ARHGAP6: variants seen among roughly 807,000 people sequenced by gnomAD.
The protein encoded by ARHGAP6 is rho GTPase-activating protein 6.
In ARHGAP6, 16 loss-of-function variants were observed where a neutral mutation model predicts 55.7. The observed-to-expected ratio is 0.29, with a 90% CI of 0.19 to 0.44. ARHGAP6 has a LOEUF of 0.44. Ranked by LOEUF, ARHGAP6 falls within the 20% of genes least tolerant of loss-of-function variation. ARHGAP6 has a pLI of 1.00. For synonymous variants in ARHGAP6, 382 were observed against 360.9 expected (o/e 1.06, Z -0.66); for missense variants, 698 against 808.9 (o/e 0.86, Z 1.66).
chrX:11,491,558 G>A (rs2050568766), intron 1 of ARHGAP6, among the ~76,000 whole-genome samples: 1 of 111,972 alleles, frequency 8.9e-6, no homozygotes, highest in African/African-American at 3.3e-5. Flanking sequence ...ATTTTTTGTG[G>A]CTGCATAGTA....
intron 1 of ARHGAP6, among the ~76,000 whole-genome samples, chrX:11,276,259 A>AAAT (rs2047764446): frequency 9.0e-6 from 1 of 110,869 alleles, no homozygotes; most frequent in African/African-American, 3.3e-5. Context: ...ACTCTTATTT[A>AAAT]AACATTGGAA....
At chrX:11,323,929 C>G (rs1156576883) in intron 1 of ARHGAP6, among the ~76,000 whole-genome samples, 5 of 107,194 alleles carry the variant, frequency 4.7e-5, no homozygotes, top group African/African-American at 1.7e-4. Context: ...AAGCCCACAG[C>G]AGCAGGCCAT....
At position 11,663,817 on chromosome X, in the gene ARHGAP6, T is replaced by C. The variant is rs1418217412; in HGVS notation, c.588+424A>G. Among the ~76,000 whole-genome samples, 3 of 112,466 alleles carry C rather than the reference T, an allele frequency of 2.7e-5. No homozygotes were observed. In the East Asian group the frequency reaches 8.3e-4, roughly 31 times the overall value. ...CAGTCAATGACACCCTCCAAAATAA[T>C]GTTTCTGAATTCTCTACAGAACAAG... On this transcript the variant is annotated intron_variant, in intron 1 of 12. Coordinates refer to ENST00000337414, the MANE Select transcript of ARHGAP6 (RefSeq NM_013427.3).
At chrX:11,348,127 G>T (rs2048811876) in intron 1 of ARHGAP6, among the ~76,000 whole-genome samples, 1 of 112,071 alleles carries the variant, frequency 8.9e-6, no homozygotes, top group South Asian at 3.8e-4. Flanking sequence ...GTATCTTAGA[G>T]GCTGGGCAGC....
At chrX:11,381,593 G>C (rs922691383) in intron 1 of ARHGAP6, among the ~76,000 whole-genome samples, 1 of 111,419 alleles carries the variant, frequency 9.0e-6, no homozygotes, top group Non-Finnish European at 1.9e-5. Context: ...TACATATCTC[G>C]TACCCTATCA....
chrX:11,510,156 T>G (rs1024201769), intron 1 of ARHGAP6, among the ~76,000 whole-genome samples: 1 of 111,983 alleles, frequency 8.9e-6, no homozygotes, highest in African/African-American at 3.2e-5. Context: ...AGCATTTTCC[T>G]GCAGATGACT....
intron 2 of ARHGAP6, among the ~76,000 whole-genome samples, chrX:11,213,689 G>A (rs1474854374): frequency 8.9e-6 from 1 of 111,944 alleles, no homozygotes; most frequent in African/African-American, 3.3e-5. Context: ...ATAAGGGAAC[G>A]GAGCAATGTG....
At chrX:11,437,048 A>G (rs2049993898) in intron 1 of ARHGAP6, among the ~76,000 whole-genome samples, 1 of 111,143 alleles carries the variant, frequency 9.0e-6, no homozygotes, top group African/African-American at 3.3e-5. Context: ...TTTTACCTCC[A>G]TAAAGTAGAA....
At chrX:11,213,725 G>C (rs1452915560) in intron 2 of ARHGAP6, among the ~76,000 whole-genome samples, 1 of 111,737 alleles carries the variant, frequency 8.9e-6, no homozygotes, top group Admixed American at 9.5e-5. Context: ...AGAGTGGAAA[G>C]ATAGACACTG....
intron 1 of ARHGAP6, among the ~76,000 whole-genome samples, chrX:11,368,504 C>A (rs1034156860): frequency 8.9e-6 from 1 of 111,942 alleles, no homozygotes; most frequent in South Asian, 3.8e-4. Context: ...TCTAAAATAG[C>A]ATTCTTATTC....
chrX:11,383,968 GAAAGT>G (rs2049293412), intron 1 of ARHGAP6, among the ~76,000 whole-genome samples: 1 of 110,472 alleles, frequency 9.1e-6, no homozygotes, highest in African/African-American at 3.3e-5. Flanking sequence ...AATTTGAAAG[GAAAGT>G]AAATAAAAGA....
intron 8 of ARHGAP6, among the ~76,000 whole-genome samples, chrX:11,170,563 T>C: frequency 9.0e-6 from 1 of 111,292 alleles, no homozygotes. Context: ...AAGAGCAATC[T>C]ATGGAACAGG....
intron 2 of ARHGAP6, among the ~76,000 whole-genome samples, chrX:11,201,662 T>C (rs1208583562): frequency 8.9e-6 from 1 of 112,070 alleles, no homozygotes; most frequent in African/African-American, 3.2e-5. Flanking sequence ...CTTACAATCA[T>C]GGCAGAAGGG....
intron 1 of ARHGAP6, among the ~76,000 whole-genome samples, chrX:11,618,855 G>A (rs1211451652): frequency 9.0e-6 from 1 of 111,387 alleles, no homozygotes; most frequent in Non-Finnish European, 1.9e-5. Context: ...GTGGAAGGAG[G>A]AGCATAGTCA....
intron 1 of ARHGAP6, among the ~76,000 whole-genome samples, chrX:11,519,329 A>G (rs2050886316): frequency 9.1e-6 from 1 of 109,958 alleles, no homozygotes; most frequent in Admixed American, 9.8e-5. Context: ...CTGCCATTCT[A>G]ACTGGTGTGA....
At chrX:11,610,129 TAA>T (rs59200351) in intron 1 of ARHGAP6, among the ~76,000 whole-genome samples, 133 of 88,586 alleles carry the variant, frequency 1.5e-3, no homozygotes, top group African/African-American at 2.2e-3. Context: ...CTTCCTCCAG[TAA>T]AAAAAAAAAA....
intron 1 of ARHGAP6, among the ~76,000 whole-genome samples, chrX:11,661,995 C>G (rs775626220): frequency 1.3e-4 from 15 of 112,166 alleles, no homozygotes; most frequent in Non-Finnish European, 2.8e-4. Flanking sequence ...AATCATTCAG[C>G]TTCAAATGTC....
At chrX:11,300,632 G>A (rs867629707) in intron 1 of ARHGAP6, 1 of 1,191,563 alleles carries the variant, frequency 8.4e-7, no homozygotes, top group East Asian at 3.0e-5. Flanking sequence ...AGATGAGAGG[G>A]GAATGAATAC....
At chrX:11,485,053 C>T (rs976114325) in intron 1 of ARHGAP6, among the ~76,000 whole-genome samples, 3 of 111,372 alleles carry the variant, frequency 2.7e-5, no homozygotes, top group Non-Finnish European at 5.7e-5. Context: ...AAAAACATAT[C>T]ACTCAGGTGT....
Sources: allele counts gnomAD v4.1 joint callset (sites outside exome capture counted in the v4.1 genomes callset), GRCh38; gene constraint gnomAD v4.1.1; transcripts MANE v1.5; gene names NCBI Gene and HGNC (gene_info 2026-07-23, HGNC 2026-07-21).